Variants in GAD2 observed in about 807,000 individuals in gnomAD.
GAD2 encodes 65 kDa glutamic acid decarboxylase.
In GAD2, 22 loss-of-function variants were observed where a neutral mutation model predicts 80.1. The observed-to-expected ratio is 0.27, with a 90% CI of 0.20 to 0.39. The LOEUF (loss-of-function observed/expected upper bound fraction) is 0.39. Ranked by LOEUF, GAD2 falls within the 10% of genes least tolerant of loss-of-function variation. The pLI is 1.00. For synonymous variants in GAD2, 274 were observed against 256.9 expected (o/e 1.07, Z -0.64); for missense variants, 624 against 738.4 (o/e 0.85, Z 1.80).
At chr10:26,268,964 A>G (rs1487310935) in intron 8 of GAD2, among the ~76,000 whole-genome samples, 155 bp from the exon 9 acceptor site, 1 of 152,248 alleles carries the variant, frequency 6.6e-6, no homozygotes, top group Non-Finnish European at 1.5e-5. Context: ...CCAGGCAAGT[A>G]AATGCATCCT....
chr10:26,255,992 C>T (rs994181086), intron 8 of GAD2, among the ~76,000 whole-genome samples: 4 of 151,998 alleles, frequency 2.6e-5, no homozygotes, highest in African/African-American at 7.3e-5. Context: ...AATCAGACAC[C>T]CTTAGAGTTG....
intron 9 of GAD2, among the ~76,000 whole-genome samples, chr10:26,269,504 G>A (rs1248772560): frequency 1.3e-5 from 2 of 152,260 alleles, no homozygotes; most frequent in African/African-American, 4.8e-5. Context: ...GAATGCTAAT[G>A]CAGTATGTGA....
intron 11 of GAD2, among the ~76,000 whole-genome samples, chr10:26,279,592 T>C (rs529218834): frequency 1.3e-5 from 2 of 152,160 alleles, no homozygotes; most frequent in Non-Finnish European, 2.9e-5. Flanking sequence ...AAGTGAAGGA[T>C]GAAATGAAGA....
chr10:26,220,358 G>A (rs1395275315), intron 4 of GAD2, among the ~76,000 whole-genome samples: 1 of 152,186 alleles, frequency 6.6e-6, no homozygotes, highest in Non-Finnish European at 1.5e-5. Context: ...TGATGAATTA[G>A]CAGTATTACG....
At chr10:26,252,116 C>G (rs1844886968) in intron 8 of GAD2, among the ~76,000 whole-genome samples, 1 of 152,186 alleles carries the variant, frequency 6.6e-6, no homozygotes, top group Non-Finnish European at 1.5e-5. Flanking sequence ...TCAGCCTTCC[C>G]AAAACACAAG....
rs1844574872 is a variant in GAD2 at position 26,229,723 on chromosome 10, C to A, written c.786C>A (p.Val262=). The A allele has an allele frequency of 2.5e-6, 4 of 1,614,108 alleles. No individual in the cohort carries two copies. In the East Asian group the frequency reaches 8.9e-5, roughly 36 times the overall value. ...MIARFKMFPE[V]KEKGMAALPR... ...CACGCTTTAAGATGTTCCCAGAAGT[C>A]AAGGAGAAAGGAATGGCTGCTCTTC... The change falls in exon 7 of 16, where the codon GTC becomes GTA. Residue 262 remains valine (V), a synonymous_variant. Transcript: ENST00000376261.
At position 26,301,403 on chromosome 10, in the gene GAD2, A is replaced by G. The variant is rs974828590; in HGVS notation, c.*442A>G. 6.6e-6 allele frequency: 1 copy of G among 152,580 alleles called. No individual in the cohort carries two copies. The highest frequency in any genetic ancestry group is 2.4e-5 in the African/African-American group (1 of 41,576). The allele number at this position is 152,580 out of a possible 1,614,324, so 9.5% of individuals were successfully genotyped here. On this transcript the variant is annotated 3_prime_UTR_variant, in exon 16 of 16. Transcript: ENST00000376261. Reference sequence around the variant, plus strand: ...GCCTTTTTCATAGTATTAGAAAAAAATTTCTAATTTACCTATAGCAACATT... The same window carrying G: ...GCCTTTTTCATAGTATTAGAAAAAAGTTTCTAATTTACCTATAGCAACATT...
intron 13 of GAD2, among the ~76,000 whole-genome samples, chr10:26,290,071 G>T (rs948485226): frequency 5.3e-5 from 8 of 151,488 alleles, no homozygotes; most frequent in Non-Finnish European, 1.0e-4. Context: ...ACTGGCAAAT[G>T]GCTGTGAAAA....
chr10:26,296,473 C>A (rs529229937), intron 15 of GAD2, among the ~76,000 whole-genome samples: 6 of 152,254 alleles, frequency 3.9e-5, no homozygotes, highest in Admixed American at 2.6e-4. Flanking sequence ...GTGGTAAACA[C>A]GAGAATCCAG....
chr10:26,236,334 C>G (rs1450380992), intron 7 of GAD2, among the ~76,000 whole-genome samples: 1 of 144,568 alleles, frequency 6.9e-6, no homozygotes, highest in East Asian at 2.0e-4. Flanking sequence ...GAGTCTCACT[C>G]TTGTCGTCCA....
intron 3 of GAD2, 74 bp from the exon 4 acceptor site, chr10:26,218,969 T>C (rs749940886): frequency 1.8e-6 from 2 of 1,096,150 alleles, no homozygotes; most frequent in South Asian, 1.9e-5. Context: ...AGAAATGTTA[T>C]TGCCTCATCA....
chr10:26,270,049 C>A lies in GAD2; in HGVS notation c.976-591C>A, dbSNP rs140816528. On this transcript the variant is annotated intron_variant, in intron 9 of 15. Coordinates refer to ENST00000376261, the MANE Select transcript of GAD2 (RefSeq NM_001134366.2). The stretch of plus-strand genomic sequence containing the variant: ...GATCCTGTTTGTGGCATTCTCCTGC[C>A]TTCTTCCAGCCCGTTACTTCAATCA... Among the ~76,000 whole-genome samples the A allele has an allele frequency of 1.5e-3, 227 of 152,320 alleles. 1 individual carries two copies. Among genetic ancestry groups the A allele is most frequent in the African/African-American group, 5.4e-3 (223 of 41,558 alleles).
chr10:26,274,102 A>T (rs1039618243), intron 11 of GAD2, among the ~76,000 whole-genome samples: 3 of 152,212 alleles, frequency 2.0e-5, no homozygotes, highest in African/African-American at 4.8e-5. Flanking sequence ...TGCTTAAAAA[A>T]AATAATAATT....
intron 7 of GAD2, among the ~76,000 whole-genome samples, chr10:26,242,392 T>C (rs1053259250): frequency 6.6e-6 from 1 of 152,188 alleles, no homozygotes; most frequent in East Asian, 1.9e-4. Flanking sequence ...AGACACTCTT[T>C]TCCTCTGGTT....
chr10:26,231,743 C>T (rs1844605339), intron 7 of GAD2, among the ~76,000 whole-genome samples: 1 of 152,184 alleles, frequency 6.6e-6, no homozygotes, highest in African/African-American at 2.4e-5. Flanking sequence ...CCTCGAGGCT[C>T]TCTGGAAGAT....
At chr10:26,224,258 A>C (rs190738112) in intron 5 of GAD2, among the ~76,000 whole-genome samples, 1 of 152,322 alleles carries the variant, frequency 6.6e-6, no homozygotes, top group African/African-American at 2.4e-5. Context: ...ACCAGATATT[A>C]TATTTTAAAT....
intron 6 of GAD2, among the ~76,000 whole-genome samples, chr10:26,228,284 A>G (rs552264475): frequency 2.0e-5 from 3 of 152,348 alleles, no homozygotes; most frequent in Admixed American, 6.5e-5. Flanking sequence ...GTGAGACTCT[A>G]CTTACAAGAC....
chr10:26,262,076 C>A (rs1463103734), intron 8 of GAD2, among the ~76,000 whole-genome samples: 2 of 152,088 alleles, frequency 1.3e-5, no homozygotes, highest in Non-Finnish European at 1.5e-5. Flanking sequence ...TGGGCTATCT[C>A]TGACACGTTT....
chr10:26,276,663 C>T (rs983179126), intron 11 of GAD2, among the ~76,000 whole-genome samples: 3 of 152,216 alleles, frequency 2.0e-5, no homozygotes, highest in Non-Finnish European at 4.4e-5. Context: ...GCTAGTATTA[C>T]AGGCGTGAGC....
Sources: allele counts gnomAD v4.1 joint callset (sites outside exome capture counted in the v4.1 genomes callset), GRCh38; gene constraint gnomAD v4.1.1; transcripts MANE v1.5; gene names NCBI Gene and HGNC (gene_info 2026-07-23, HGNC 2026-07-21).